ZBTB20: variants seen among roughly 807,000 people sequenced by gnomAD.
The protein encoded by ZBTB20 is zinc finger and BTB domain containing 20, also known as zinc finger and BTB domain-containing protein 20.
A neutral mutation model predicts 56.9 loss-of-function variants in ZBTB20; 9 were observed. The observed-to-expected ratio is 0.16, with a 90% confidence interval of 0.10 to 0.28. The LOEUF (loss-of-function observed/expected upper bound fraction) is 0.28, where lower values mean the gene tolerates loss of function less well. ZBTB20 is among the 10% of genes least tolerant of loss of function. The pLI is 1.00. For missense variants in ZBTB20, 655 were observed against 1,003.0 expected (o/e 0.65, Z 4.69); for synonymous variants, 417 against 420.7 (o/e 0.99, Z 0.11).
chr3:114,667,587 T>C (rs2061131995), intron 6 of ZBTB20, among the ~76,000 whole-genome samples: 1 of 151,982 alleles, frequency 6.6e-6, no homozygotes, highest in Non-Finnish European at 1.5e-5. Context: ...TCAAAAAACA[T>C]GACACAAAAG....
rs147201887 is a variant in ZBTB20 at position 114,440,710 on chromosome 3, C to T, written c.-254-51605G>A. ...TGTCACTATAAAGTGGATACTGGTA[C>T]GAGTACTGTCTTGGACCCTTCTCTC... On this transcript the variant is annotated intron_variant, in intron 7 of 11. Transcript: ENST00000675478. 2.1e-3 allele frequency among the ~76,000 whole-genome samples: 313 copies of T among 152,240 alleles called. 2 individuals carry two copies. Among genetic ancestry groups the T allele is most frequent in the African/African-American group, 7.2e-3 (298 of 41,530 alleles).
At chr3:114,621,416 T>C (rs1389269362) in intron 6 of ZBTB20, among the ~76,000 whole-genome samples, 2 of 152,168 alleles carry the variant, frequency 1.3e-5, no homozygotes, top group African/African-American at 4.8e-5. Context: ...TATAGATATA[T>C]GGTTGTGCGT....
At chr3:114,960,486 C>T (rs1230590471) in intron 3 of ZBTB20, among the ~76,000 whole-genome samples, 2 of 152,256 alleles carry the variant, frequency 1.3e-5, no homozygotes, top group African/African-American at 4.8e-5. Flanking sequence ...TTAATAATTG[C>T]CCAAGGTTAA....
At chr3:114,843,536 C>T (rs80087694) in intron 4 of ZBTB20, among the ~76,000 whole-genome samples, 3,595 of 152,224 alleles carry the variant, frequency 0.024, 62 homozygotes, top group Middle Eastern at 0.065. Context: ...TATATATACA[C>T]GTATACATAT....
At chr3:114,635,765 A>G (rs1334978688) in intron 6 of ZBTB20, among the ~76,000 whole-genome samples, 1 of 152,010 alleles carries the variant, frequency 6.6e-6, no homozygotes, top group Non-Finnish European at 1.5e-5. Flanking sequence ...GCACAAAGAA[A>G]AAACAAGGAT....
chr3:114,441,690 C>T (rs1015989320), intron 7 of ZBTB20, among the ~76,000 whole-genome samples: 1 of 152,106 alleles, frequency 6.6e-6, no homozygotes, highest in Non-Finnish European at 1.5e-5. Flanking sequence ...TACACGGCAA[C>T]TGCTTTGCTC....
At chr3:115,040,150 G>C (rs1406936107) in intron 2 of ZBTB20, among the ~76,000 whole-genome samples, 5 of 151,814 alleles carry the variant, frequency 3.3e-5, no homozygotes, top group Non-Finnish European at 7.4e-5. Context: ...ATTTCAAGTG[G>C]TATGGCTTTA....
chr3:114,750,492 G>A (rs1300500227), intron 5 of ZBTB20, among the ~76,000 whole-genome samples: 2 of 152,162 alleles, frequency 1.3e-5, no homozygotes, highest in Non-Finnish European at 2.9e-5. Context: ...CACTTAGGAA[G>A]AAAATGCTTA....
Position 115,130,460 on chromosome 3 carries a change from G to C in ZBTB20, c.-703+16759C>G, listed in dbSNP as rs116811885. 6.5e-3 allele frequency among the ~76,000 whole-genome samples: 984 copies of C among 152,234 alleles called. 10 individuals carry two copies. The highest frequency in any genetic ancestry group is 0.022 in the African/African-American group (905 of 41,536). On this transcript the variant is annotated intron_variant, in intron 1 of 11. Transcript: ENST00000675478. ...GAACACTGAACAAAGTGAAACATAC[G>C]CTCTAAGTTTTATCAAGGGATATCA...
Position 114,462,628 on chromosome 3 carries a change from G to A in ZBTB20, c.-255+37724C>T, listed in dbSNP as rs2092382419. ...CACATATTTTTTCAATAGAAAATAT[G>A]TATATCCTGGTAGGTGGGAAGGATG... On this transcript the variant is annotated intron_variant, in intron 7 of 11. Transcript: ENST00000675478. 2.0e-5 allele frequency among the ~76,000 whole-genome samples: 3 copies of A among 152,128 alleles called. No homozygotes were observed. In the South Asian group the frequency reaches 6.2e-4, roughly 32 times the overall value.
chr3:114,753,355 A>G (rs111551954), intron 5 of ZBTB20, among the ~76,000 whole-genome samples: 8,520 of 21,340 alleles, frequency 0.4, 2,021 homozygotes, highest in East Asian at 0.92. Context: ...TGTATACATT[A>G]TATATAATGT....
intron 6 of ZBTB20, among the ~76,000 whole-genome samples, chr3:114,683,201 T>A (rs1223427547): frequency 6.6e-6 from 1 of 152,044 alleles, no homozygotes; most frequent in Non-Finnish European, 1.5e-5. Flanking sequence ...TAAAAAGGAG[T>A]AGGCTTGTGA....
At chr3:114,749,940 A>C (rs2067434141) in intron 5 of ZBTB20, among the ~76,000 whole-genome samples, 1 of 152,186 alleles carries the variant, frequency 6.6e-6, no homozygotes, top group African/African-American at 2.4e-5. Flanking sequence ...ACCCAGATAA[A>C]ATATATTCAG....
At chr3:114,690,526 G>A (rs1578361776) in intron 6 of ZBTB20, among the ~76,000 whole-genome samples, 1 of 152,250 alleles carries the variant, frequency 6.6e-6, no homozygotes, top group Non-Finnish European at 1.5e-5. Flanking sequence ...CTCATCTGTG[G>A]AACTCTGTGT....
chr3:114,495,144 CTG>C lies in ZBTB20; in HGVS notation c.-255+5206_-255+5207del, dbSNP rs202244375. ...GCATACACAACGCTCAACAATATAA[CTG>C]TTTTTCCTAACTCAATTTTAAATTC... is the stretch of plus-strand genomic sequence containing the variant. On this transcript the variant is annotated intron_variant, in intron 7 of 11. Transcript: ENST00000675478. Among the ~76,000 whole-genome samples, 184 of 152,324 alleles carry C rather than the reference CTG, an allele frequency of 1.2e-3. 2 individuals are homozygous for C. In the East Asian group the frequency reaches 0.022, roughly 18 times the overall value.
chr3:114,751,490 C>T (rs904540839), intron 5 of ZBTB20, among the ~76,000 whole-genome samples: 1 of 152,088 alleles, frequency 6.6e-6, no homozygotes, highest in Non-Finnish European at 1.5e-5. Context: ...TACTATGTGG[C>T]ACCTGCTAGG....
intron 6 of ZBTB20, among the ~76,000 whole-genome samples, chr3:114,540,531 T>G (rs998932421): frequency 1.3e-5 from 2 of 152,110 alleles, no homozygotes; most frequent in African/African-American, 4.8e-5. Flanking sequence ...GGATGCTGTG[T>G]AAGCAGCATG....
chr3:114,915,108 C>G (rs994839459), intron 3 of ZBTB20, among the ~76,000 whole-genome samples: 3 of 151,650 alleles, frequency 2.0e-5, no homozygotes, highest in Admixed American at 6.6e-5. Flanking sequence ...TGGACACATT[C>G]CCTCCTCTTC....
chr3:114,541,406 A>G (rs1475702454), intron 6 of ZBTB20, among the ~76,000 whole-genome samples: 1 of 152,182 alleles, frequency 6.6e-6, no homozygotes, highest in East Asian at 1.9e-4. Context: ...CCCAGGAAAG[A>G]ACATAAAGCA....
Sources: allele counts gnomAD v4.1 joint callset (sites outside exome capture counted in the v4.1 genomes callset), GRCh38; gene constraint gnomAD v4.1.1; transcripts MANE v1.5; gene names NCBI Gene and HGNC (gene_info 2026-07-23, HGNC 2026-07-21).